The following IMPA1 variants were observed in gnomAD, a reference collection of about 807,000 sequenced individuals.
IMPA1 encodes inositol monophosphatase 1.
IMPA1 carries 21 observed loss-of-function variants against 34.9 expected under a neutral mutation model. That is an observed-to-expected ratio of 0.60 (90% CI 0.43 to 0.87). The LOEUF (loss-of-function observed/expected upper bound fraction) is 0.87. Ranked by LOEUF, IMPA1 falls within the 40% of genes least tolerant of loss-of-function variation. IMPA1 has a pLI of 0.00. For missense variants in IMPA1, 299 were observed against 336.4 expected (o/e 0.89, Z 0.87); for synonymous variants, 95 against 104.4 (o/e 0.91, Z 0.55).
At chr8:81,673,797 G>A in intron 6 of IMPA1, 44 bp downstream of exon 6, 1 of 1,047,250 alleles carries the variant, frequency 9.5e-7, no homozygotes, top group Non-Finnish European at 1.5e-6. Flanking sequence ...ATAAAATATT[G>A]AGCACACAAT....
At chr8:81,679,511 G>C (rs1438575534) in intron 3 of IMPA1, among the ~76,000 whole-genome samples, 1 of 151,992 alleles carries the variant, frequency 6.6e-6, no homozygotes, top group Admixed American at 6.6e-5. Flanking sequence ...AACTTGGAAG[G>C]CTGAGGCAGG....
intron 3 of IMPA1, 33 bp from the exon 4 acceptor site, chr8:81,679,263 T>C: frequency 3.8e-6 from 5 of 1,309,866 alleles, no homozygotes; most frequent in Non-Finnish European, 5.5e-6. Context: ...TCTTAATCTT[T>C]ACACTGATTT....
At chr8:81,684,557 ACTAATGTGTAG>A (rs1563592491) in intron 1 of IMPA1, among the ~76,000 whole-genome samples, 1 of 109,960 alleles carries the variant, frequency 9.1e-6, no homozygotes, top group Non-Finnish European at 1.8e-5. Context: ...ATCTTTAGAT[ACTAATGTGTAG>A]TATATATACT....
At chr8:81,668,512 G>A (rs745999505) in intron 7 of IMPA1, among the ~76,000 whole-genome samples, 21 of 152,158 alleles carry the variant, frequency 1.4e-4, no homozygotes, top group Non-Finnish European at 2.8e-4. Flanking sequence ...AGGACTGCTT[G>A]AGCCCAGGAG....
At chr8:81,684,901 AT>A (rs1807450234) in intron 1 of IMPA1, among the ~76,000 whole-genome samples, 1 of 133,688 alleles carries the variant, frequency 7.5e-6, no homozygotes, top group African/African-American at 2.8e-5. Context: ...TATACTATAC[AT>A]AAGTATATTT....
chr8:81,659,526 CA>C (rs1806603646), intron 8 of IMPA1, 60 bp from the exon 9 acceptor site: 1 of 920,640 alleles, frequency 1.1e-6, no homozygotes, highest in Non-Finnish European at 1.8e-6. Flanking sequence ...TCATATAAAA[CA>C]AGTATAGCAA....
chr8:81,661,760 T>G (rs1806680683), intron 7 of IMPA1, among the ~76,000 whole-genome samples: 1 of 152,258 alleles, frequency 6.6e-6, no homozygotes, highest in Non-Finnish European at 1.5e-5. Context: ...ATCATTGTAC[T>G]GTGGCTATGT....
chr8:81,678,264 C>A (rs1027309972), intron 4 of IMPA1, among the ~76,000 whole-genome samples: 4 of 152,032 alleles, frequency 2.6e-5, no homozygotes, highest in African/African-American at 7.2e-5. Flanking sequence ...ACTTTTTAAC[C>A]GTGTTTTTTC....
intron 7 of IMPA1, among the ~76,000 whole-genome samples, chr8:81,668,523 G>C (rs1035885093): frequency 3.9e-5 from 6 of 152,180 alleles, no homozygotes; most frequent in African/African-American, 1.2e-4. Context: ...AGCCCAGGAG[G>C]TTGAGGCTGC....
In IMPA1 at chr8:81,681,602, A is replaced by T; in HGVS notation, c.-24-18T>A. 1.4e-6 allele frequency: 2 copies of T among 1,412,536 alleles called. No homozygotes were observed. The highest frequency in any genetic ancestry group is 2.0e-6 in the Non-Finnish European group (2 of 997,632). The allele number at this position is 1,412,536 out of a possible 1,614,324, so 87.5% of individuals were successfully genotyped here. Reference sequence around the variant, plus strand: ...ACAAATATCTGTACAAAGTAGTTATAACTGTCTTAGAAGTCTTAATTATAG... The same window carrying T: ...ACAAATATCTGTACAAAGTAGTTATTACTGTCTTAGAAGTCTTAATTATAG... On this transcript the variant is annotated intron_variant, in intron 1 of 8. Coordinates refer to ENST00000256108, the MANE Select transcript of IMPA1 (RefSeq NM_005536.4).
At position 81,659,371 on chromosome 8, in the gene IMPA1, G is replaced by T; in HGVS notation, c.814C>A (p.Gln272Lys). The change falls in exon 9 of 9, where the codon CAA becomes AAA. Residue 272 changes from glutamine (Q) to lysine (K), a missense_variant. Transcript: ENST00000256108. ...CTTAATTAATCTTCGTCGTCTCGTT[G>T]CAAAGGTATAACCTGAATTTCTTTA... ...IAKEIQVIPLQRDDED is the reference protein window; with the variant it reads ...IAKEIQVIPLKRDDED 6.2e-7 allele frequency: 1 copy of T among 1,603,414 alleles called. No individual in the cohort carries two copies. The highest frequency in any genetic ancestry group is 8.5e-7 in the Non-Finnish European group (1 of 1,170,568).
At chr8:81,667,881 T>A (rs1806878204) in intron 7 of IMPA1, among the ~76,000 whole-genome samples, 1 of 151,558 alleles carries the variant, frequency 6.6e-6, no homozygotes, top group Non-Finnish European at 1.5e-5. Flanking sequence ...TGGAGTGCAG[T>A]GACACGATCT....
rs1807089183 is a variant in IMPA1, at chr8:81,674,936, T to G, written c.349-987A>C. The G allele has an allele frequency of 1.2e-5, 5 of 419,370 alleles. No homozygotes were observed. The Admixed American group carries it at 1.3e-4, about 11-fold the overall frequency. The allele number at this position is 419,370 out of a possible 1,614,324, so 26.0% of individuals were successfully genotyped here. On this transcript the variant is annotated intron_variant, in intron 5 of 8. Coordinates refer to ENST00000256108, the MANE Select transcript of IMPA1 (RefSeq NM_005536.4). ...TTTAATCTCAAAAACACTTTCCAAT[T>G]TTGGCATTTCCTTGGCTATTCTCAC...
intron 1 of IMPA1, among the ~76,000 whole-genome samples, chr8:81,684,599 A>AC (rs1563592580): frequency 4.2e-3 from 450 of 107,218 alleles, no homozygotes; most frequent in Middle Eastern, 0.014. Context: ...ATCTTTAGAT[A>AC]TATATATCTA....
chr8:81,666,547 G>A (rs111550993), intron 7 of IMPA1, among the ~76,000 whole-genome samples: 1,733 of 152,184 alleles, frequency 0.011, 23 homozygotes, highest in Non-Finnish European at 0.015. Flanking sequence ...AAATAAAAGG[G>A]TGGACAAAGA....
At chr8:81,683,641 G>A (rs1487074281) in intron 1 of IMPA1, among the ~76,000 whole-genome samples, 1 of 152,110 alleles carries the variant, frequency 6.6e-6, no homozygotes, top group Non-Finnish European at 1.5e-5. Flanking sequence ...AGTTTAATTA[G>A]CGGAAGATGA....
rs1806536755 is a variant in IMPA1 at position 81,656,988 on chromosome 8, G to A, written c.*2363C>T. Reference sequence around the variant, plus strand: ...TATATTTATGTATGTATCTGTGTATGTATCCACATGCAGAAAGATAATATA... The same window carrying A: ...TATATTTATGTATGTATCTGTGTATATATCCACATGCAGAAAGATAATATA... On this transcript the variant is annotated 3_prime_UTR_variant, in exon 9 of 9. Transcript: ENST00000256108. 6.6e-6 allele frequency among the ~76,000 whole-genome samples: 1 copy of A among 152,146 alleles called. No individual in the cohort carries two copies. Among genetic ancestry groups the A allele is most frequent in the Non-Finnish European group, 1.5e-5 (1 of 68,030 alleles).
intron 7 of IMPA1, among the ~76,000 whole-genome samples, chr8:81,668,384 A>G (rs2130268913): frequency 6.6e-6 from 1 of 152,300 alleles, no homozygotes; most frequent in African/African-American, 2.4e-5. Flanking sequence ...CAGGAGTTGG[A>G]GATCAGCCTG....
intron 1 of IMPA1, among the ~76,000 whole-genome samples, 189 bp from the exon 2 acceptor site, chr8:81,681,773 A>T (rs981866357): frequency 1.3e-5 from 2 of 152,206 alleles, no homozygotes; most frequent in African/African-American, 4.8e-5. Flanking sequence ...ATATCAAATT[A>T]TTTTCATAAA....
Sources: allele counts gnomAD v4.1 joint callset (sites outside exome capture counted in the v4.1 genomes callset), GRCh38; gene constraint gnomAD v4.1.1; transcripts MANE v1.5; gene names NCBI Gene and HGNC (gene_info 2026-07-23, HGNC 2026-07-21).